The following MSI2 variants were observed in gnomAD, a reference collection of about 807,000 sequenced individuals.
MSI2 encodes RNA-binding protein Musashi homolog 2.
MSI2 carries 17 observed loss-of-function variants against 45.6 expected under a neutral mutation model. The observed-to-expected ratio is 0.37, with a 90% confidence interval of 0.26 to 0.56. The LOEUF (loss-of-function observed/expected upper bound fraction) is 0.56. Ranked by LOEUF, MSI2 falls within the 20% of genes least tolerant of loss-of-function variation. The pLI is 0.77. For synonymous variants in MSI2, 156 were observed against 158.2 expected (o/e 0.99, Z 0.11); for missense variants, 293 against 444.2 (o/e 0.66, Z 3.06).
chr17:57,400,287 A>G (rs1380265552), intron 5 of MSI2, among the ~76,000 whole-genome samples: 1 of 151,856 alleles, frequency 6.6e-6, no homozygotes, highest in Non-Finnish European at 1.5e-5. Context: ...AAAATGGCAC[A>G]TAGCCTAAAC....
intron 5 of MSI2, among the ~76,000 whole-genome samples, chr17:57,384,940 A>G (rs2083659031): frequency 6.6e-6 from 1 of 152,206 alleles, no homozygotes; most frequent in African/African-American, 2.4e-5. Flanking sequence ...TGACACCACC[A>G]TCAGCCACCC....
At position 57,505,784 on chromosome 17, in the gene MSI2, T is replaced by C. The variant is rs562266146; in HGVS notation, c.406-23892T>C. On this transcript the variant is annotated intron_variant, in intron 6 of 13. Transcript: ENST00000284073. ...AGTTAGTATGTAAGTCAGGGTGGAG[T>C]CGGGGGACAAGGTGAAAAGCATATG... 2.0e-5 allele frequency among the ~76,000 whole-genome samples: 3 copies of C among 151,442 alleles called. No homozygotes were observed. In the East Asian group the frequency reaches 5.8e-4, roughly 29 times the overall value.
At chr17:57,414,227 C>T (rs1032430554) in intron 6 of MSI2, among the ~76,000 whole-genome samples, 3 of 152,134 alleles carry the variant, frequency 2.0e-5, no homozygotes, top group Non-Finnish European at 4.4e-5. Flanking sequence ...TAAATTCCAC[C>T]AAGTGGGGCT....
intron 6 of MSI2, among the ~76,000 whole-genome samples, chr17:57,477,197 TG>T: frequency 2.7e-5 from 3 of 112,014 alleles, no homozygotes; most frequent in Admixed American, 9.0e-5. Context: ...TGTGTGTGTG[TG>T]TGTCGGAGGG....
intron 6 of MSI2, among the ~76,000 whole-genome samples, chr17:57,511,471 CTG>C (rs2086353966): frequency 6.6e-6 from 1 of 152,184 alleles, no homozygotes; most frequent in African/African-American, 2.4e-5. Context: ...TGCCTTGAGA[CTG>C]GGGCTCCTCG....
chr17:57,310,035 G>A (rs958287448), intron 5 of MSI2, among the ~76,000 whole-genome samples: 1 of 152,220 alleles, frequency 6.6e-6, no homozygotes, highest in Non-Finnish European at 1.5e-5. Context: ...TAGCATTTGT[G>A]TGTCAGTTCA....
chr17:57,630,017 C>G (rs1224961693), intron 10 of MSI2: 2 of 152,252 alleles, frequency 1.3e-5, no homozygotes, highest in African/African-American at 4.8e-5. Context: ...CCCCCATGAG[C>G]TGGCTCAGGA....
At chr17:57,661,862 GA>G (rs1359575727) in intron 11 of MSI2, among the ~76,000 whole-genome samples, 1 of 152,098 alleles carries the variant, frequency 6.6e-6, no homozygotes, top group Admixed American at 6.5e-5. Context: ...AGCCATACCT[GA>G]TTCACCCTAC....
intron 6 of MSI2, among the ~76,000 whole-genome samples, chr17:57,413,182 CTCTG>C (rs1198021764): frequency 2.0e-5 from 3 of 152,228 alleles, no homozygotes; most frequent in African/African-American, 4.8e-5. Context: ...CTCTCTCTCT[CTCTG>C]TCTGTCTCGT....
intron 5 of MSI2, among the ~76,000 whole-genome samples, chr17:57,311,963 G>A (rs1486006394): frequency 6.6e-6 from 1 of 152,310 alleles, no homozygotes; most frequent in African/African-American, 2.4e-5. Context: ...CTCCCAAAGC[G>A]CTGGAATTAC....
At chr17:57,698,802 C>G in the MSI2 span, among the ~76,000 whole-genome samples, 1 of 151,928 alleles carries the variant, frequency 6.6e-6, no homozygotes, top group Non-Finnish European at 1.5e-5. Context: ...GTTCCCTTCT[C>G]TCTCCACCCC....
intron 9 of MSI2, among the ~76,000 whole-genome samples, chr17:57,621,212 C>G (rs1296511047): frequency 6.6e-6 from 1 of 152,242 alleles, no homozygotes; most frequent in African/African-American, 2.4e-5. Flanking sequence ...CCACCGAGCA[C>G]TATGCCTGCA....
intron 13 of MSI2, 129 bp downstream of exon 13, chr17:57,677,188 C>CT: frequency 1.5e-6 from 1 of 677,948 alleles, no homozygotes; most frequent in East Asian, 2.7e-5. Context: ...TTCTGGACCC[C>CT]TTTTCAGGAG....
chr17:57,662,975 C>T (rs1441966045), intron 11 of MSI2, among the ~76,000 whole-genome samples: 1 of 152,242 alleles, frequency 6.6e-6, no homozygotes, highest in Non-Finnish European at 1.5e-5. Flanking sequence ...TTAGCCAATG[C>T]CCAGAAGAAA....
In MSI2 at chr17:57,569,437, A is replaced by G. The variant is rs149439666; in HGVS notation, c.455-27431A>G. Among the ~76,000 whole-genome samples the G allele has an allele frequency of 5.5e-3, 833 of 152,330 alleles. 3 individuals carry two copies. Among genetic ancestry groups the G allele is most frequent in the Middle Eastern group, 0.017 (5 of 294 alleles). ...CTGAAAGCTGGACATTGTGGTCATG[A>G]GGAGAGTCATGAGAATCTTCTGAAA... On this transcript the variant is annotated intron_variant, in intron 7 of 13. Coordinates refer to ENST00000284073, the MANE Select transcript of MSI2 (RefSeq NM_138962.4).
intron 6 of MSI2, among the ~76,000 whole-genome samples, chr17:57,417,371 A>G (rs936942719): frequency 2.0e-5 from 3 of 152,172 alleles, no homozygotes; most frequent in Non-Finnish European, 2.9e-5. Context: ...GCTCACTTCC[A>G]TGGACCTGAA....
chr17:57,540,733 C>T (rs2087025461), intron 7 of MSI2, among the ~76,000 whole-genome samples: 1 of 152,204 alleles, frequency 6.6e-6, no homozygotes, highest in South Asian at 2.1e-4. Context: ...GAGCCTGAAA[C>T]AGATTTTCCC....
chr17:57,526,147 C>T (rs1361338401), intron 6 of MSI2, among the ~76,000 whole-genome samples: 1 of 152,076 alleles, frequency 6.6e-6, no homozygotes, highest in Non-Finnish European at 1.5e-5. Context: ...ATCACTTGAA[C>T]CCAGGAGGCG....
chr17:57,571,279 G>A (rs2087870732), intron 7 of MSI2, among the ~76,000 whole-genome samples: 1 of 152,196 alleles, frequency 6.6e-6, no homozygotes, highest in Non-Finnish European at 1.5e-5. Flanking sequence ...GCCGCCCTGG[G>A]AAGGGGAGAA....
Sources: allele counts gnomAD v4.1 joint callset (sites outside exome capture counted in the v4.1 genomes callset), GRCh38; gene constraint gnomAD v4.1.1; transcripts MANE v1.5; gene names NCBI Gene and HGNC (gene_info 2026-07-23, HGNC 2026-07-21).